Variants in EML4 observed in about 807,000 individuals in gnomAD.
The protein encoded by EML4 is EMAP like 4.
In EML4, 72 loss-of-function variants were observed where a neutral mutation model predicts 129.0. The ratio of observed to expected loss-of-function variants is 0.56; its 90% CI spans 0.46 to 0.68. The LOEUF (loss-of-function observed/expected upper bound fraction) is 0.68. Ranked by LOEUF, EML4 falls within the 30% of genes least tolerant of loss-of-function variation. The pLI is 0.00. For missense variants in EML4, 1,363 were observed against 1,190.6 expected (o/e 1.14, Z -2.13); for synonymous variants, 532 against 405.0 (o/e 1.31, Z -3.77).
intron 1 of EML4, among the ~76,000 whole-genome samples, chr2:42,201,953 C>T (rs576281089): frequency 5.9e-5 from 9 of 152,074 alleles, no homozygotes; most frequent in Non-Finnish European, 1.0e-4. Flanking sequence ...TGTGGTGCTG[C>T]GCACCTGTAA....
chr2:42,212,832 T>C (rs1210005157), intron 1 of EML4, among the ~76,000 whole-genome samples: 5 of 152,202 alleles, frequency 3.3e-5, no homozygotes, highest in Admixed American at 1.3e-4. Context: ...AAGTAACTAC[T>C]AGAGAAAGAG....
intron 1 of EML4, among the ~76,000 whole-genome samples, chr2:42,207,638 C>T (rs1435309493): frequency 6.6e-6 from 1 of 152,110 alleles, no homozygotes; most frequent in Non-Finnish European, 1.5e-5. Context: ...GAGGAGCTTT[C>T]CTGAACGTAA....
chr2:42,301,304 T>C lies in EML4; in HGVS notation c.1553T>C (p.Met518Thr). 6.2e-7 allele frequency: 1 copy of C among 1,608,314 alleles called. No homozygotes were observed. The highest frequency in any genetic ancestry group is 8.5e-7 in the Non-Finnish European group (1 of 1,175,310). ...GGCAGTGTGTTCACACTTTGTCAGA[T>C]GAGAAATGGGATGTTATTAACTGGA... ...HDGSVFTLCQ[M>T]RNGMLLTGGG... Residue 518 changes from methionine to threonine, a missense_variant, in exon 14 of 23, where the codon ATG becomes ACG. Coordinates refer to ENST00000318522, the MANE Select transcript of EML4 (RefSeq NM_019063.5).
intron 1 of EML4, among the ~76,000 whole-genome samples, chr2:42,211,902 T>C (rs2104027243): frequency 6.6e-6 from 1 of 152,264 alleles, no homozygotes. Flanking sequence ...TGGAGTGCAG[T>C]GGCGCAATTT....
intron 1 of EML4, among the ~76,000 whole-genome samples, chr2:42,241,137 A>G (rs1000768419): frequency 1.3e-5 from 2 of 152,060 alleles, no homozygotes; most frequent in Admixed American, 1.3e-4. Context: ...AGCCTGGTCG[A>G]CAGAGTGAGT....
chr2:42,277,115 A>G (rs569661835), intron 6 of EML4, among the ~76,000 whole-genome samples: 1 of 152,228 alleles, frequency 6.6e-6, no homozygotes, highest in South Asian at 2.1e-4. Context: ...ACTCCTTTCT[A>G]AGTGGTGATA....
intron 1 of EML4, among the ~76,000 whole-genome samples, chr2:42,229,231 GTTTAA>G (rs1674169600): frequency 1.3e-5 from 2 of 152,016 alleles, no homozygotes; most frequent in Admixed American, 6.5e-5. Context: ...TTTACATGCT[GTTTAA>G]TTTATCTAAT....
intron 1 of EML4, among the ~76,000 whole-genome samples, chr2:42,205,050 G>T (rs1672462660): frequency 2.0e-5 from 3 of 152,002 alleles, no homozygotes; most frequent in Admixed American, 2.0e-4. Flanking sequence ...AAAGAACTTT[G>T]ATTCGAGGTC....
At position 42,329,991 on chromosome 2, in the gene EML4, T is replaced by C. The variant is rs370621801; in HGVS notation, c.2730T>C (p.Ala910=). ...PPPSQPLNET[A]EEESRISSSP... Reference sequence around the variant, plus strand: ...CTTCTCAGCCCTTAAATGAGACAGCTGAAGAGGAAAGTAGAATAAGCAGTT... The same window carrying C: ...CTTCTCAGCCCTTAAATGAGACAGCCGAAGAGGAAAGTAGAATAAGCAGTT... The change falls in exon 23 of 23, where the codon GCT becomes GCC. Residue 910 remains alanine, a synonymous_variant. Coordinates refer to ENST00000318522, the MANE Select transcript of EML4 (RefSeq NM_019063.5). 1.2e-6 allele frequency: 2 copies of C among 1,613,754 alleles called. No individual in the cohort carries two copies. Among genetic ancestry groups the C allele is most frequent in the Non-Finnish European group, 1.7e-6 (2 of 1,179,950 alleles).
At chr2:42,212,945 T>A (rs1217380829) in intron 1 of EML4, among the ~76,000 whole-genome samples, 2 of 152,200 alleles carry the variant, frequency 1.3e-5, no homozygotes, top group African/African-American at 4.8e-5. Flanking sequence ...GGAAGCCAGT[T>A]TTTGCATTCT....
intron 1 of EML4, among the ~76,000 whole-genome samples, chr2:42,220,101 A>G (rs1203208328): frequency 1.3e-5 from 2 of 152,046 alleles, no homozygotes; most frequent in Non-Finnish European, 2.9e-5. Context: ...GGAAACAGCA[A>G]AATTCTCAAA....
intron 14 of EML4, among the ~76,000 whole-genome samples, chr2:42,302,292 G>C (rs1264202812): frequency 6.6e-6 from 1 of 152,102 alleles, no homozygotes; most frequent in African/African-American, 2.4e-5. Context: ...TAGTAATCCA[G>C]TCAGGGTAGT....
At chr2:42,320,765 A>T (rs1223092072) in intron 19 of EML4, among the ~76,000 whole-genome samples, 3 of 152,192 alleles carry the variant, frequency 2.0e-5, no homozygotes, top group African/African-American at 7.2e-5. Flanking sequence ...GAGTGTCAAC[A>T]TAATGGCTTT....
chr2:42,272,292 A>G (rs1019711156), intron 6 of EML4, among the ~76,000 whole-genome samples: 8 of 152,176 alleles, frequency 5.3e-5, no homozygotes, highest in African/African-American at 1.9e-4. Context: ...TCCCTGAACT[A>G]CACTCACAAT....
chr2:42,196,089 A>G (rs749192238), intron 1 of EML4, among the ~76,000 whole-genome samples: 1 of 152,114 alleles, frequency 6.6e-6, no homozygotes, highest in Non-Finnish European at 1.5e-5. Context: ...GGAATCAGAG[A>G]GATTTGAGAT....
rs908060698 is a variant in EML4, at chr2:42,263,234, A to G, written c.569A>G (p.Asp190Gly). 4.3e-6 allele frequency: 7 copies of G among 1,613,234 alleles called. No homozygotes were observed. The highest frequency in any genetic ancestry group is 5.9e-6 in the Non-Finnish European group (7 of 1,179,658). ...KSHNSWENSD[D>G]SRNKLSKIPS... ...CATAATTCTTGGGAAAATTCAGATG[A>G]TAGCCGTAATAAATTGTCGAAAATA... Residue 190 changes from aspartate (D) to glycine (G), a missense_variant, in exon 5 of 23, where the codon GAT (aspartate) becomes GGT (glycine). Asp to Gly is a moderately conservative substitution (Grantham distance 94). Transcript: ENST00000318522.
At chr2:42,261,511 A>C (rs1323117513) in intron 4 of EML4, 6 of 376,208 alleles carry the variant, frequency 1.6e-5, no homozygotes, top group South Asian at 1.2e-4. Context: ...AAAAAAAAAA[A>C]AAAACTAAGT....
chr2:42,285,079 A>T (rs961259089), intron 9 of EML4, among the ~76,000 whole-genome samples: 1 of 151,400 alleles, frequency 6.6e-6, no homozygotes, highest in Non-Finnish European at 1.5e-5. Context: ...TAATTAATTA[A>T]TTAATTAATT....
At chr2:42,281,062 T>TAA in intron 7 of EML4, 89 bp downstream of exon 7, 1 of 1,100,952 alleles carries the variant, frequency 9.1e-7, no homozygotes. Context: ...ATTGTCTTTA[T>TAA]ACAAAAAAAA....
Sources: gnomAD v4.1 joint callset for allele counts (sites outside exome capture counted in the v4.1 genomes callset) on GRCh38, gnomAD v4.1.1 for gene constraint, MANE v1.5 for transcripts, NCBI Gene and HGNC (gene_info 2026-07-23, HGNC 2026-07-21) for gene names.